Variants in MED9 observed in about 807,000 individuals in gnomAD.
MED9 encodes mediator complex subunit 9, also known as mediator of RNA polymerase II transcription subunit 9.
In MED9, 8 loss-of-function variants were observed where a neutral mutation model predicts 13.2. The observed-to-expected ratio is 0.61, with a 90% CI of 0.36 to 1.10. MED9 has a LOEUF of 1.10. Among genes scored for constraint, MED9 ranks in the 50% least tolerant of loss-of-function variants. The pLI is 0.02. For synonymous variants in MED9, 87 were observed against 82.8 expected, an observed-to-expected ratio of 1.05 and a Z score of -0.28; for missense variants, 180 against 193.4, an observed-to-expected ratio of 0.93 and a Z score of 0.41.
intron 1 of MED9, among the ~76,000 whole-genome samples, chr17:17,490,178 G>A (rs1482780466): frequency 6.6e-6 from 1 of 152,234 alleles, no homozygotes; most frequent in African/African-American, 2.4e-5. Context: ...GCTCATGCCT[G>A]TAATCCCAGC....
chr17:17,486,996 C>G (rs910867376), intron 1 of MED9: 1 of 151,160 alleles, frequency 6.6e-6, no homozygotes, highest in South Asian at 2.1e-4. Context: ...ATACACCAAT[C>G]GGCACTCTGT....
chr17:17,479,835 G>A (rs1260405545), intron 1 of MED9, among the ~76,000 whole-genome samples: 1 of 152,042 alleles, frequency 6.6e-6, no homozygotes, highest in Non-Finnish European at 1.5e-5. Context: ...AAAAGAATAG[G>A]ACAGGAGATG....
rs1905221493 is a variant in MED9, at chr17:17,491,261, G to C, written c.225-18G>C. On this transcript the variant is annotated intron_variant, in intron 1 of 1. Transcript: ENST00000268711. ...GTGTATCAAGCTGTGAATGCTAACA[G>C]CTGTTCTTCCCCCACAGCATGGACA... 1 of 1,605,236 alleles carries C rather than the reference G, an allele frequency of 6.2e-7. No homozygotes were observed. Among genetic ancestry groups the C allele is most frequent in the Admixed American group, 1.7e-5 (1 of 60,024 alleles).
Position 17,491,375 on chromosome 17 carries a change from C to T in MED9, c.321C>T (p.Ile107=), listed in dbSNP as rs1905223936. ...MRKLISTMPG[I]HLSPEQQQQQ... The stretch of plus-strand genomic sequence containing the variant: ...AGCTCATCAGCACCATGCCCGGCAT[C>T]CACCTGAGCCCCGAACAGCAGCAGC... Residue 107 remains isoleucine (I), a synonymous_variant, in exon 2 of 2, where the codon ATC becomes ATT. Transcript: ENST00000268711. The T allele has an allele frequency of 1.2e-6, 2 of 1,614,034 alleles. No homozygotes were observed. The highest frequency in any genetic ancestry group is 1.7e-6 in the Non-Finnish European group (2 of 1,180,038).
At chr17:17,489,129 T>C (rs1905188087) in intron 1 of MED9, among the ~76,000 whole-genome samples, 1 of 152,230 alleles carries the variant, frequency 6.6e-6, no homozygotes, top group Admixed American at 6.5e-5. Flanking sequence ...AGGAGTTCCA[T>C]GCTATTTACC....
chr17:17,483,120 T>A lies in MED9; in HGVS notation c.224+5855T>A, dbSNP rs1299507567. On this transcript the variant is annotated intron_variant, in intron 1 of 1. Coordinates refer to ENST00000268711, the MANE Select transcript of MED9 (RefSeq NM_018019.3). The surrounding 1 kb of genome is among the most constrained non-coding windows in gnomAD (Gnocchi z 4.2). ...TTAATGGAACATTTCGTCTTTAATC[T>A]GCTTCTTTACTTCCAAGCCTGTTGA... 6.6e-6 allele frequency among the ~76,000 whole-genome samples: 1 copy of A among 152,254 alleles called. No homozygotes were observed. The highest frequency in any genetic ancestry group is 1.5e-5 in the Non-Finnish European group (1 of 68,048).
intron 1 of MED9, chr17:17,486,008 G>A (rs1209139856): frequency 6.6e-6 from 1 of 152,120 alleles, no homozygotes; most frequent in East Asian, 1.9e-4. Flanking sequence ...CATCCAGGGC[G>A]GGATGGAGAA....
chr17:17,489,248 TATC>T (rs1795724776), intron 1 of MED9, among the ~76,000 whole-genome samples: 1 of 152,230 alleles, frequency 6.6e-6, no homozygotes, highest in Non-Finnish European at 1.5e-5. Flanking sequence ...CCTTTTTTAT[TATC>T]TGAAGACTGT....
At chr17:17,487,567 C>G (rs991075385) in intron 1 of MED9, 1 of 161,396 alleles carries the variant, frequency 6.2e-6, no homozygotes, top group Non-Finnish European at 1.3e-5. Flanking sequence ...GACCACGAAC[C>G]CACCAGAAGG....
chr17:17,488,636 C>G (rs1905178642), intron 1 of MED9, among the ~76,000 whole-genome samples: 1 of 152,174 alleles, frequency 6.6e-6, no homozygotes, highest in Admixed American at 6.5e-5. Context: ...GAGTTCGAGA[C>G]CAGCCTGGCC....
At chr17:17,485,863 T>C (rs937719251) in intron 1 of MED9, 2 of 152,410 alleles carry the variant, frequency 1.3e-5, no homozygotes, top group Non-Finnish European at 2.9e-5. Flanking sequence ...CTAAAAAGAA[T>C]ATTTTTTACA....
chr17:17,491,158 A>G (rs1905219558), intron 1 of MED9, 121 bp from the exon 2 acceptor site: 2 of 936,996 alleles, frequency 2.1e-6, no homozygotes, highest in South Asian at 2.9e-5. Flanking sequence ...GGGGATAGAC[A>G]CATAAAACGA....
At position 17,477,465 on chromosome 17, in the gene MED9, G is replaced by C. The variant is rs1043501488; in HGVS notation, c.224+200G>C. 5 of 581,382 alleles carry C rather than the reference G, an allele frequency of 8.6e-6. No homozygotes were observed. In the East Asian group the frequency reaches 1.2e-4, roughly 14 times the overall value. The allele number at this position is 581,382 out of a possible 1,614,324, so 36.0% of individuals were successfully genotyped here. On this transcript the variant is annotated intron_variant, in intron 1 of 1. Transcript: ENST00000268711. ...TAAGCAAACGATTTGAGCCTCGAGA[G>C]GTGCGATATCCTTAAGAATGAAGCC...
intron 1 of MED9, among the ~76,000 whole-genome samples, chr17:17,478,377 T>A (rs1296657662): frequency 6.6e-6 from 1 of 152,226 alleles, no homozygotes; most frequent in Non-Finnish European, 1.5e-5. Context: ...CTTCACTGTT[T>A]TACTGAAATG....
At chr17:17,480,020 G>C (rs970099384) in intron 1 of MED9, among the ~76,000 whole-genome samples, 2 of 152,118 alleles carry the variant, frequency 1.3e-5, no homozygotes, top group African/African-American at 4.8e-5. Flanking sequence ...TTAAGAAGCA[G>C]GTCCCCACAG....
chr17:17,482,275 A>G (rs1905044309), intron 1 of MED9, among the ~76,000 whole-genome samples: 1 of 152,198 alleles, frequency 6.6e-6, no homozygotes, highest in Non-Finnish European at 1.5e-5. Context: ...TTGGGTCACT[A>G]TGAGCAAAGA....
chr17:17,480,559 G>A (rs75819245), intron 1 of MED9, among the ~76,000 whole-genome samples: 2,857 of 152,294 alleles, frequency 0.019, 77 homozygotes, highest in African/African-American at 0.065. Flanking sequence ...GGCAGGCTGA[G>A]ATGGGAGGAT....
chr17:17,483,995 ATAT>A lies in MED9; in HGVS notation c.224+6734_224+6736del, dbSNP rs1423970018. 6.6e-6 allele frequency among the ~76,000 whole-genome samples: 1 copy of A among 152,194 alleles called. No individual in the cohort carries two copies. The highest frequency in any genetic ancestry group is 1.9e-4 in the East Asian group (1 of 5,206). ...AATCCCATTTTCATGCCTATAAGAAATATTATAAATCCCAACTTTGAGACTTTC... is the reference window on the plus strand; with the variant it reads ...AATCCCATTTTCATGCCTATAAGAAATATAAATCCCAACTTTGAGACTTTC... On this transcript the variant is annotated intron_variant, in intron 1 of 1. Coordinates refer to ENST00000268711, the MANE Select transcript of MED9 (RefSeq NM_018019.3). This position sits in a 1 kb window ranked among gnomAD's most constrained non-coding sequence, Gnocchi z 4.2.
intron 1 of MED9, among the ~76,000 whole-genome samples, chr17:17,482,131 A>G (rs1217975691): frequency 3.3e-5 from 5 of 152,180 alleles, no homozygotes; most frequent in African/African-American, 9.7e-5. Flanking sequence ...TTCTTGCTCA[A>G]GGACACCGTC....
Sources: allele counts gnomAD v4.1 joint callset (sites outside exome capture counted in the v4.1 genomes callset), GRCh38; gene constraint gnomAD v4.1.1; non-coding constraint Gnocchi (gnomAD v3.1); transcripts MANE v1.5; gene names NCBI Gene and HGNC (gene_info 2026-07-23, HGNC 2026-07-21).